The following HDAC8 variants were observed in gnomAD, a reference collection of about 807,000 sequenced individuals.
The protein encoded by HDAC8 is histone deacetylase 8, also known as histone deacetylase-like 1.
Under a neutral mutation model 32.2 loss-of-function variants are expected in HDAC8, and 1 was observed. The ratio of observed to expected loss-of-function variants is 0.03; its 90% CI spans 0.01 to 0.15. HDAC8 has a LOEUF of 0.15. Among genes scored for constraint, HDAC8 ranks in the 10% least tolerant of loss-of-function variants. HDAC8 has a pLI of 1.00. For synonymous variants in HDAC8, 108 were observed against 113.9 expected (o/e 0.95, Z 0.33); for missense variants, 117 against 300.0 (o/e 0.39, Z 4.51).
intron 4 of HDAC8, among the ~76,000 whole-genome samples, chrX:72,546,861 A>T (rs1208542464): frequency 9.0e-6 from 1 of 110,736 alleles, no homozygotes; most frequent in Non-Finnish European, 1.9e-5. Flanking sequence ...TCTAAAAGAC[A>T]TTCACCTCAC....
chrX:72,358,087 A>G (rs1158984561), intron 9 of HDAC8, among the ~76,000 whole-genome samples: 12 of 109,272 alleles, frequency 1.1e-4, no homozygotes, highest in Middle Eastern at 4.2e-3. Context: ...TTGTATTTTC[A>G]GTAGAGACAG....
At chrX:72,452,017 T>C (rs1288821635) in intron 9 of HDAC8, among the ~76,000 whole-genome samples, 1 of 112,184 alleles carries the variant, frequency 8.9e-6, no homozygotes, top group South Asian at 3.7e-4. Context: ...GAGATGGAGC[T>C]AAGCCAAAAA....
At chrX:72,565,401 G>C (rs2051742078) in intron 4 of HDAC8, among the ~76,000 whole-genome samples, 1 of 112,023 alleles carries the variant, frequency 8.9e-6, no homozygotes, top group Non-Finnish European at 1.9e-5. Context: ...ACCTAAACTG[G>C]GGCAATCTCT....
intron 6 of HDAC8, among the ~76,000 whole-genome samples, chrX:72,490,623 G>T (rs1358728884): frequency 2.5e-5 from 2 of 78,499 alleles, no homozygotes; most frequent in East Asian, 1.0e-3. Context: ...GGAGGGGGGA[G>T]GGATAGCTTT....
intron 10 of HDAC8, among the ~76,000 whole-genome samples, chrX:72,348,763 C>T (rs1823525179): frequency 8.9e-6 from 1 of 111,916 alleles, no homozygotes; most frequent in African/African-American, 3.3e-5. Context: ...TCTTCTCTGC[C>T]TCAATTCTTT....
At chrX:72,438,674 T>C (rs2047025622) in intron 9 of HDAC8, among the ~76,000 whole-genome samples, 1 of 110,611 alleles carries the variant, frequency 9.0e-6, no homozygotes, top group Non-Finnish European at 1.9e-5. Context: ...CATACACAAG[T>C]ATCAATAGCT....
chrX:72,563,463 CT>C (rs1319897845), intron 4 of HDAC8, among the ~76,000 whole-genome samples: 2 of 111,019 alleles, frequency 1.8e-5, no homozygotes, highest in African/African-American at 6.6e-5. Context: ...ATTGCTTGAC[CT>C]TTGGGGAGCA....
In HDAC8 at chrX:72,559,565, C is replaced by A. The variant is rs782330757; in HGVS notation, c.437+8324G>T. 3.0e-3 allele frequency among the ~76,000 whole-genome samples: 321 copies of A among 107,592 alleles called. 1 individual carries two copies. Among genetic ancestry groups the A allele is most frequent in the African/African-American group, 0.01 (302 of 29,205 alleles). 93.4% of individuals were successfully genotyped at this position (107,592 alleles called of 115,157 possible). A position where few individuals can be genotyped will look rare whatever the true frequency, so the allele number is the denominator to read the frequency against. On this transcript the variant is annotated intron_variant, in intron 4 of 10. Transcript: ENST00000373573. ...GATGTGAGGAGCCCCTCTGCCCCGC[C>A]GCCCAGTCTGGGAAGTGAGGAGTGC...
intron 7 of HDAC8, chrX:72,474,138 A>G: frequency 1.3e-6 from 1 of 750,370 alleles, no homozygotes; most frequent in Non-Finnish European, 1.6e-6. Context: ...GTAATTAGCT[A>G]CCCTTTAGAA....
intron 4 of HDAC8, among the ~76,000 whole-genome samples, chrX:72,536,658 A>G (rs1359912163): frequency 2.7e-5 from 3 of 112,058 alleles, no homozygotes; most frequent in African/African-American, 9.7e-5. Flanking sequence ...TTAACTACCC[A>G]CTTGACATTT....
Position 72,527,712 on chromosome X carries a change from G to A in HDAC8, c.438-32444C>T, listed in dbSNP as rs140126397. 3.4e-4 allele frequency among the ~76,000 whole-genome samples: 37 copies of A among 108,492 alleles called. No homozygotes were observed. In the East Asian group the frequency reaches 0.011, roughly 31 times the overall value. 94.2% of individuals were successfully genotyped at this position (108,492 alleles called of 115,157 possible). ...TAGCAGAGTTCCTGACATACAGCAT[G>A]TACTAAACACATACTGAATGAACGA... On this transcript the variant is annotated intron_variant, in intron 4 of 10. Transcript: ENST00000373573.
intron 9 of HDAC8, among the ~76,000 whole-genome samples, chrX:72,438,145 G>A (rs781895278): frequency 2.1e-4 from 24 of 112,211 alleles, no homozygotes; most frequent in African/African-American, 7.1e-4. Context: ...CCAGAGGAAG[G>A]AACAAGCAAC....
chrX:72,470,971 C>T (rs2048158366), intron 7 of HDAC8, among the ~76,000 whole-genome samples: 1 of 111,813 alleles, frequency 8.9e-6, no homozygotes, highest in African/African-American at 3.3e-5. Flanking sequence ...TTTTCATTGT[C>T]CTCAAAAGAA....
chrX:72,339,442 T>C (rs2043830367), intron 10 of HDAC8, among the ~76,000 whole-genome samples: 1 of 112,397 alleles, frequency 8.9e-6, no homozygotes, highest in African/African-American at 3.2e-5. Context: ...TACAGAGTGC[T>C]GTGGGCAGAA....
At chrX:72,377,046 T>C (rs1234443187) in intron 9 of HDAC8, 1 of 111,092 alleles carries the variant, frequency 9.0e-6, no homozygotes, top group Non-Finnish European at 1.9e-5. Flanking sequence ...AAACTAGTCC[T>C]TATTCCATCT....
intron 9 of HDAC8, among the ~76,000 whole-genome samples, chrX:72,413,682 C>T (rs782529903): frequency 1.8e-5 from 2 of 110,729 alleles, no homozygotes; most frequent in Middle Eastern, 4.6e-3. Flanking sequence ...TCAGTTCTCA[C>T]GAGATCTGAT....
intron 9 of HDAC8, among the ~76,000 whole-genome samples, chrX:72,373,014 AC>A (rs1555956944): frequency 9.0e-6 from 1 of 110,925 alleles, no homozygotes; most frequent in Non-Finnish European, 1.9e-5. Flanking sequence ...ATTTGACCTA[AC>A]TCCACCCTCA....
At chrX:72,433,283 C>T (rs1177085979) in intron 9 of HDAC8, among the ~76,000 whole-genome samples, 1 of 111,040 alleles carries the variant, frequency 9.0e-6, no homozygotes, top group African/African-American at 3.3e-5. Flanking sequence ...AAGGATGCTG[C>T]TCAGCATCCT....
intron 7 of HDAC8, among the ~76,000 whole-genome samples, chrX:72,466,228 T>A (rs1480122115): frequency 4.5e-5 from 5 of 111,582 alleles, no homozygotes; most frequent in African/African-American, 1.6e-4. Context: ...GTTCTGTTCA[T>A]TCATTCTTTC....
Sources: gnomAD v4.1 joint callset for allele counts (sites outside exome capture counted in the v4.1 genomes callset) on GRCh38, gnomAD v4.1.1 for gene constraint, MANE v1.5 for transcripts, NCBI Gene and HGNC (gene_info 2026-07-23, HGNC 2026-07-21) for gene names.